CSMD3: variants seen among roughly 807,000 people sequenced by gnomAD.
CSMD3 encodes CUB and sushi domain-containing protein 3.
A neutral mutation model predicts 435.2 loss-of-function variants in CSMD3; 177 were observed. The ratio of observed to expected loss-of-function variants is 0.41; its 90% CI spans 0.36 to 0.46. The LOEUF is 0.46. Among genes scored for constraint, CSMD3 ranks in the 20% least tolerant of loss-of-function variants. CSMD3 has a pLI of 0.34. For missense variants in CSMD3, 4,265 were observed against 4,504.6 expected (o/e 0.95, Z 1.52); for synonymous variants, 1,656 against 1,520.5 (o/e 1.09, Z -2.07).
intron 13 of CSMD3, among the ~76,000 whole-genome samples, chr8:112,764,489 T>C (rs1300239474): frequency 6.6e-6 from 1 of 151,546 alleles, no homozygotes; most frequent in African/African-American, 2.4e-5. Context: ...AAAAGGTGTC[T>C]TTCAAATATG....
chr8:112,590,398 G>T (rs1251283433), intron 22 of CSMD3, among the ~76,000 whole-genome samples: 4 of 151,492 alleles, frequency 2.6e-5, no homozygotes, highest in Non-Finnish European at 4.4e-5. Flanking sequence ...TGGGGTAAAA[G>T]AATATTCCAA....
intron 16 of CSMD3, among the ~76,000 whole-genome samples, chr8:112,678,045 A>G (rs2075806117): frequency 6.6e-6 from 1 of 152,178 alleles, no homozygotes; most frequent in Non-Finnish European, 1.5e-5. Context: ...ATATTTATCT[A>G]TAATTATGTC....
At chr8:112,921,293 T>C (rs2082736758) in intron 10 of CSMD3, among the ~76,000 whole-genome samples, 1 of 151,906 alleles carries the variant, frequency 6.6e-6, no homozygotes, top group South Asian at 2.1e-4. Flanking sequence ...ACTATGCAAG[T>C]GGAGAAGAAA....
chr8:112,619,528 T>G (rs905422747), intron 22 of CSMD3, among the ~76,000 whole-genome samples: 2 of 152,120 alleles, frequency 1.3e-5, no homozygotes, highest in African/African-American at 2.4e-5. Flanking sequence ...TGATCCTGCT[T>G]CCTACTTCAC....
intron 3 of CSMD3, among the ~76,000 whole-genome samples, chr8:113,177,212 G>C (rs1332141602): frequency 6.6e-6 from 1 of 150,684 alleles, no homozygotes; most frequent in Non-Finnish European, 1.5e-5. Context: ...TAAAAGCAGA[G>C]TTGCAAAATA....
rs902949139 is a variant in CSMD3 at position 113,014,446 on chromosome 8, T to C, written c.1030+4621A>G. Among the ~76,000 whole-genome samples the C allele has an allele frequency of 7.2e-5, 11 of 152,030 alleles. 1 individual carries two copies. In the South Asian group the frequency reaches 1.2e-3, roughly 17 times the overall value. ...GGGCTGATTGGCAGCCCCACCAAGA[T>C]TGCACACACAATGGAAGAGGGATAA... On this transcript the variant is annotated intron_variant, in intron 6 of 70. Coordinates refer to ENST00000297405, the MANE Select transcript of CSMD3 (RefSeq NM_198123.2).
At chr8:112,684,180 T>C (rs1299793728) in intron 15 of CSMD3, among the ~76,000 whole-genome samples, 1 of 151,982 alleles carries the variant, frequency 6.6e-6, no homozygotes, top group Non-Finnish European at 1.5e-5. Context: ...TATAGATAGA[T>C]AGATGCATAT....
rs117416219 is a variant in CSMD3 at position 113,182,706 on chromosome 8, C to T, written c.515-8790G>A. On this transcript the variant is annotated intron_variant, in intron 3 of 70. Coordinates refer to ENST00000297405, the MANE Select transcript of CSMD3 (RefSeq NM_198123.2). ...ACTCAGTTTGTTTTCCAACTTGCTA[C>T]TCAATCCTCCCCTAGGGCATTGCCT... Among the ~76,000 whole-genome samples the T allele has an allele frequency of 2.0e-3, 310 of 152,138 alleles. 2 individuals carry two copies. The highest frequency in any genetic ancestry group is 0.01 in the Middle Eastern group (3 of 294).
chr8:112,733,583 A>G (rs2077121211), intron 13 of CSMD3, among the ~76,000 whole-genome samples: 1 of 152,032 alleles, frequency 6.6e-6, no homozygotes, highest in Non-Finnish European at 1.5e-5. Flanking sequence ...AAGGTAAGTA[A>G]TTTGTAAGTT....
intron 31 of CSMD3, among the ~76,000 whole-genome samples, chr8:112,480,396 C>T (rs1359112695): frequency 6.6e-6 from 1 of 152,026 alleles, no homozygotes; most frequent in African/African-American, 2.4e-5. Context: ...TTGTATTTTT[C>T]AATGTGAGAA....
chr8:113,259,907 A>G (rs1482412929), intron 3 of CSMD3, among the ~76,000 whole-genome samples: 1 of 152,010 alleles, frequency 6.6e-6, no homozygotes, highest in East Asian at 1.9e-4. Context: ...GTGTGGTGGT[A>G]GGGGCCCAGT....
At chr8:112,497,095 C>T (rs1821427494) in intron 30 of CSMD3, among the ~76,000 whole-genome samples, 1 of 151,562 alleles carries the variant, frequency 6.6e-6, no homozygotes, top group Non-Finnish European at 1.5e-5. Context: ...TATGTACCCA[C>T]AAAAATTAAA....
chr8:112,357,535 T>A (rs1400910400), intron 38 of CSMD3, among the ~76,000 whole-genome samples: 1 of 152,174 alleles, frequency 6.6e-6, no homozygotes, highest in African/African-American at 2.4e-5. Context: ...GGGGAAAATG[T>A]TTCCAGGGCA....
At chr8:112,443,668 T>C (rs1815288662) in intron 32 of CSMD3, among the ~76,000 whole-genome samples, 1 of 152,110 alleles carries the variant, frequency 6.6e-6, no homozygotes, top group East Asian at 1.9e-4. Flanking sequence ...GTTATCTTTA[T>C]ATTAAATGTC....
At chr8:112,692,144 T>C (rs1365233170) in intron 13 of CSMD3, among the ~76,000 whole-genome samples, 1 of 152,104 alleles carries the variant, frequency 6.6e-6, no homozygotes, top group Non-Finnish European at 1.5e-5. Context: ...CTTTTCTTTT[T>C]ATATTTTTGG....
At chr8:112,347,400 A>G (rs1825776073) in intron 40 of CSMD3, among the ~76,000 whole-genome samples, 1 of 152,180 alleles carries the variant, frequency 6.6e-6, no homozygotes, top group African/African-American at 2.4e-5. Context: ...AATCGCATCC[A>G]TTTATTTCGT....
At chr8:112,277,004 G>T (rs1471160876) in intron 59 of CSMD3, among the ~76,000 whole-genome samples, 1 of 152,058 alleles carries the variant, frequency 6.6e-6, no homozygotes, top group Non-Finnish European at 1.5e-5. Flanking sequence ...GGCCTGTGAT[G>T]GGAGGAGCTG....
chr8:112,231,547 A>G lies in CSMD3; in HGVS notation c.10826T>C (p.Leu3609Pro), dbSNP rs1008443199. 16 of 1,577,982 alleles carry G rather than the reference A, an allele frequency of 1.0e-5. No homozygotes were observed. The highest frequency in any genetic ancestry group is 1.3e-5 in the African/African-American group (1 of 74,194). The part of the protein sequence containing the change: ...KDYGQFGLQR[L>P]GLNMSEGSNS... ...GAAAATCAAAATGAATACATTACCC[A>G]GTCTTTGTAGGCCAAATTGTCCATA... The change falls in exon 69 of 71, where the codon CTG (leucine) becomes CCG (proline). Residue 3609 changes from leucine to proline, a missense_variant and splice_region_variant. Physicochemically the swap from Leu to Pro is moderately conservative, Grantham distance 98. Around this residue, in one of 3 missense-constraint regions of CSMD3, gnomAD observed 3,255 missense variants for 3,380.2 expected, o/e 0.96. Coordinates refer to ENST00000297405, the MANE Select transcript of CSMD3 (RefSeq NM_198123.2).
At chr8:112,421,378 A>G (rs370268237) in intron 32 of CSMD3, among the ~76,000 whole-genome samples, 1 of 151,606 alleles carries the variant, frequency 6.6e-6, no homozygotes, top group African/African-American at 2.4e-5. Context: ...CCCCATCTCT[A>G]CTAAAAATAC....
Sources: allele counts gnomAD v4.1 joint callset (sites outside exome capture counted in the v4.1 genomes callset), GRCh38; gene constraint gnomAD v4.1.1; regional missense constraint gnomAD v4.1.1; transcripts MANE v1.5; gene names NCBI Gene and HGNC (gene_info 2026-07-23, HGNC 2026-07-21).